Variants in SLC15A1 observed in about 807,000 individuals in gnomAD.
SLC15A1 encodes solute carrier family 15 member 1, also known as Caco-2 oligopeptide transporter.
In SLC15A1, 83 loss-of-function variants were observed where a neutral mutation model predicts 92.9. The observed-to-expected ratio is 0.89, with a 90% confidence interval of 0.75 to 1.07. SLC15A1 has a LOEUF of 1.07. Ranked by LOEUF, SLC15A1 falls within the 50% of genes least tolerant of loss-of-function variation. The pLI is 0.00. For synonymous variants in SLC15A1, 322 were observed against 318.2 expected (o/e 1.01, Z -0.13); for missense variants, 857 against 880.1 (o/e 0.97, Z 0.33).
chr13:98,714,448 G>A (rs945455407), intron 9 of SLC15A1, among the ~76,000 whole-genome samples: 1 of 152,068 alleles, frequency 6.6e-6, no homozygotes, highest in Non-Finnish European at 1.5e-5. Context: ...CCTGAGGTCA[G>A]GGGTTTGAGA....
At chr13:98,736,819 C>T (rs1162381333) in intron 1 of SLC15A1, among the ~76,000 whole-genome samples, 3 of 152,186 alleles carry the variant, frequency 2.0e-5, no homozygotes, top group Admixed American at 6.5e-5. Context: ...GTTAGAATGG[C>T]GATCATTAAA....
intron 5 of SLC15A1, among the ~76,000 whole-genome samples, chr13:98,722,426 T>C (rs1159512279): frequency 6.6e-6 from 1 of 152,128 alleles, no homozygotes; most frequent in Non-Finnish European, 1.5e-5. Context: ...GGATTAAGGG[T>C]TATTTAATTT....
intron 1 of SLC15A1, among the ~76,000 whole-genome samples, chr13:98,741,155 G>C (rs944493539): frequency 6.6e-6 from 1 of 152,200 alleles, no homozygotes; most frequent in Non-Finnish European, 1.5e-5. Context: ...ACAAGTGAGC[G>C]AGGGCCACTC....
chr13:98,699,069 C>T lies in SLC15A1; in HGVS notation c.1466+3411G>A, dbSNP rs755857539. Among the ~76,000 whole-genome samples, 233 of 152,206 alleles carry T rather than the reference C, an allele frequency of 1.5e-3. 3 individuals carry two copies. Among genetic ancestry groups the T allele is most frequent in the Non-Finnish European group, 3.7e-4 (25 of 68,000 alleles). On this transcript the variant is annotated intron_variant, in intron 18 of 22. Transcript: ENST00000376503. ...CTGTCACGATCAGAATACGTAGACCCCAAAATTGTGCTACCCCATAGTCAA... is the reference window on the plus strand; with the variant it reads ...CTGTCACGATCAGAATACGTAGACCTCAAAATTGTGCTACCCCATAGTCAA...
rs569869713 is a variant in SLC15A1, at chr13:98,748,614, A to C, written c.4+3981T>G. ...CCAGCTATCCCTACGTTAAGACGGCACCGGCAGACTAATTCTCAAGTTCTA... is the reference window on the plus strand; with the variant it reads ...CCAGCTATCCCTACGTTAAGACGGCCCCGGCAGACTAATTCTCAAGTTCTA... On this transcript the variant is annotated intron_variant, in intron 1 of 22. Transcript: ENST00000376503. Among the ~76,000 whole-genome samples, 4 of 152,290 alleles carry C rather than the reference A, an allele frequency of 2.6e-5. No homozygotes were observed. The East Asian group carries it at 7.7e-4, about 29-fold the overall frequency.
rs1252192448 is a variant in SLC15A1 at position 98,729,850 on chromosome 13, C to T, written c.5-2991G>A. Among the ~76,000 whole-genome samples, 3 of 152,296 alleles carry T rather than the reference C, an allele frequency of 2.0e-5. No homozygotes were observed. In the East Asian group the frequency reaches 5.8e-4, roughly 30 times the overall value. ...TTCCCTCCTGATCTGTCAGCCTGTG[C>T]TGGTGTTATTTCCACTCCTGCAGCT... On this transcript the variant is annotated intron_variant, in intron 1 of 22. Coordinates refer to ENST00000376503, the MANE Select transcript of SLC15A1 (RefSeq NM_005073.4).
At position 98,700,785 on chromosome 13, in the gene SLC15A1, T is replaced by A. The variant is rs559481007; in HGVS notation, c.1466+1695A>T. On this transcript the variant is annotated intron_variant, in intron 18 of 22. Transcript: ENST00000376503. ...CATTTATTACATATGAATGTTCAAATGTTTCAACACTGATTGTTGAAAATA... is the reference window on the plus strand; with the variant it reads ...CATTTATTACATATGAATGTTCAAAAGTTTCAACACTGATTGTTGAAAATA... 3.9e-5 allele frequency among the ~76,000 whole-genome samples: 6 copies of A among 152,336 alleles called. No homozygotes were observed. The South Asian group carries it at 1.2e-3, about 32-fold the overall frequency.
chr13:98,705,738 A>G (rs1215743126), intron 16 of SLC15A1, among the ~76,000 whole-genome samples: 1 of 152,036 alleles, frequency 6.6e-6, no homozygotes, highest in Non-Finnish European at 1.5e-5. Context: ...CTAAAAATAC[A>G]AAAATTAGCT....
chr13:98,686,259 C>T lies in SLC15A1; in HGVS notation c.1866G>A (p.Trp622Ter), dbSNP rs868028003. The T allele has an allele frequency of 1.2e-6, 2 of 1,613,396 alleles. No homozygotes were observed. Among genetic ancestry groups the T allele is most frequent in the Non-Finnish European group, 1.7e-6 (2 of 1,179,772 alleles). The change falls in exon 22 of 23, where the codon TGG becomes TGA. Residue 622 changes from tryptophan to a stop codon, truncating the protein, a stop_gained. Coordinates refer to ENST00000376503, the MANE Select transcript of SLC15A1 (RefSeq NM_005073.4). LOFTEE classifies it high-confidence loss of function. ...SNMKSVLQAG[W>*]LLTVAVGNII... Reference sequence around the variant, plus strand: ...TGTTGCCAACAGCCACGGTCAGCAGCCATCCTGCCTGAAGCACCGACTTCA... The same window carrying T: ...TGTTGCCAACAGCCACGGTCAGCAGTCATCCTGCCTGAAGCACCGACTTCA...
intron 9 of SLC15A1, 125 bp from the exon 10 acceptor site, chr13:98,712,709 A>G (rs1267178464): frequency 3.2e-6 from 2 of 626,078 alleles, no homozygotes; most frequent in East Asian, 2.7e-5. Flanking sequence ...ATACAATTGT[A>G]TCTACTAGTA....
intron 17 of SLC15A1, among the ~76,000 whole-genome samples, chr13:98,703,734 T>A (rs1025774348): frequency 2.0e-5 from 3 of 151,834 alleles, no homozygotes; most frequent in Non-Finnish European, 4.4e-5. Flanking sequence ...TTTTTAAAAT[T>A]TTTGTAGAGA....
intron 9 of SLC15A1, among the ~76,000 whole-genome samples, chr13:98,713,925 T>C (rs562076394): frequency 3.0e-4 from 45 of 152,144 alleles, no homozygotes; most frequent in African/African-American, 1.0e-3. Flanking sequence ...TGTACGTCTA[T>C]AGTCTCTGCT....
At chr13:98,748,764 G>A (rs2088516951) in intron 1 of SLC15A1, among the ~76,000 whole-genome samples, 1 of 152,122 alleles carries the variant, frequency 6.6e-6, no homozygotes, top group African/African-American at 2.4e-5. Context: ...GTTCACATGG[G>A]CAGGGGTCAA....
At chr13:98,687,205 A>C (rs2087935829) in intron 21 of SLC15A1, among the ~76,000 whole-genome samples, 1 of 152,134 alleles carries the variant, frequency 6.6e-6, no homozygotes, top group Non-Finnish European at 1.5e-5. Flanking sequence ...CAAACCTATC[A>C]TGAGGACATA....
chr13:98,745,197 TTGACCAGAAACTA>T (rs1338061332), intron 1 of SLC15A1, among the ~76,000 whole-genome samples: 1 of 152,112 alleles, frequency 6.6e-6, no homozygotes, highest in Admixed American at 6.6e-5. Flanking sequence ...CCGTTTACAG[TTGACCAGAAACTA>T]TGACCAGAAA....
At chr13:98,694,113 GGTTGAAAGCTTCACAATATATA>G (rs568952929) in intron 18 of SLC15A1, among the ~76,000 whole-genome samples, 5 of 152,118 alleles carry the variant, frequency 3.3e-5, no homozygotes, top group Non-Finnish European at 7.4e-5. Context: ...TAGCACCCAT[GGTTGAAAGCTTCACAATATATA>G]GATGAAATCT....
In SLC15A1 at chr13:98,694,354, G is replaced by A. The variant is rs149230981; in HGVS notation, c.1467-5777C>T. Reference sequence around the variant, plus strand: ...CACATTATCTACACTAATGATTTCTGTACCACTAATGAATAAAAATATTTG... The same window carrying A: ...CACATTATCTACACTAATGATTTCTATACCACTAATGAATAAAAATATTTG... On this transcript the variant is annotated intron_variant, in intron 18 of 22. Coordinates refer to ENST00000376503, the MANE Select transcript of SLC15A1 (RefSeq NM_005073.4). Among the ~76,000 whole-genome samples the A allele has an allele frequency of 7.7e-3, 1,178 of 152,228 alleles. 9 individuals are homozygous for A. Among genetic ancestry groups the A allele is most frequent in the African/African-American group, 0.026 (1,091 of 41,524 alleles).
rs573520367 is a variant in SLC15A1 at position 98,693,120 on chromosome 13, G to A, written c.1467-4543C>T. Among the ~76,000 whole-genome samples the A allele has an allele frequency of 4.9e-3, 559 of 114,080 alleles. 11 individuals are homozygous for A. The highest frequency in any genetic ancestry group is 0.019 in the African/African-American group (498 of 26,784). 74.8% of individuals were successfully genotyped at this position (114,080 alleles called of 152,430 possible). A position where few individuals can be genotyped will look rare whatever the true frequency, so the allele number is the denominator to read the frequency against. ...TTTTTTTTTTTTTTTTTTTTGAGACGGAGTTTCAATCTTGTTGCCCAGGCT... is the reference window on the plus strand; with the variant it reads ...TTTTTTTTTTTTTTTTTTTTGAGACAGAGTTTCAATCTTGTTGCCCAGGCT... On this transcript the variant is annotated intron_variant, in intron 18 of 22. Coordinates refer to ENST00000376503, the MANE Select transcript of SLC15A1 (RefSeq NM_005073.4).
chr13:98,742,982 C>A (rs1029654294), intron 1 of SLC15A1, among the ~76,000 whole-genome samples: 9 of 152,272 alleles, frequency 5.9e-5, no homozygotes, highest in African/African-American at 1.9e-4. Context: ...CTATGTTACC[C>A]AGGCTGGTCT....
Sources: allele counts gnomAD v4.1 joint callset (sites outside exome capture counted in the v4.1 genomes callset), GRCh38; gene constraint gnomAD v4.1.1; transcripts MANE v1.5; gene names NCBI Gene and HGNC (gene_info 2026-07-23, HGNC 2026-07-21).